The following SORCS3 variants were observed in gnomAD, a reference collection of about 807,000 sequenced individuals.
SORCS3 encodes the protein sortilin related VPS10 domain containing receptor 3, also known as VPS10 domain-containing receptor SorCS3.
A neutral mutation model predicts 146.3 loss-of-function variants in SORCS3; 57 were observed. That is an observed-to-expected ratio of 0.39 (90% CI 0.31 to 0.49). The LOEUF (loss-of-function observed/expected upper bound fraction) is 0.49. Ranked by LOEUF, SORCS3 falls within the 20% of genes least tolerant of loss-of-function variation. SORCS3 has a pLI of 0.92. For missense variants in SORCS3, 1,341 were observed against 1,575.5 expected, an observed-to-expected ratio of 0.85 and a Z score of 2.52; for synonymous variants, 653 against 618.5, an observed-to-expected ratio of 1.06 and a Z score of -0.83.
At chr10:104,738,537 C>T (rs1364547610) in intron 1 of SORCS3, among the ~76,000 whole-genome samples, 4 of 152,114 alleles carry the variant, frequency 2.6e-5, no homozygotes, top group African/African-American at 7.2e-5. Context: ...GTTGGCATAT[C>T]GTCTTTAGGG....
Position 104,832,346 on chromosome 10 carries a change from C to A in SORCS3, c.628-10446C>A, listed in dbSNP as rs541172357. ...ACAAATCATCCCAGCTGGTAAGTAA[C>A]CCCTTCATTACCTGTTTGTTCAGTG... On this transcript the variant is annotated intron_variant, in intron 1 of 26. Transcript: ENST00000369701. 5.9e-5 allele frequency among the ~76,000 whole-genome samples: 9 copies of A among 152,290 alleles called. No individual in the cohort carries two copies. The East Asian group carries it at 1.4e-3, about 23-fold the overall frequency.
rs562737319 is a variant in SORCS3 at position 104,974,256 on chromosome 10, T to C, written c.796-3079T>C. On this transcript the variant is annotated intron_variant, in intron 3 of 26. Transcript: ENST00000369701. Reference sequence around the variant, plus strand: ...TTCAATTCCTGGGTATACTTGTTAATTTTCTGTCTCATTGATCTGTCTAAT... The same window carrying C: ...TTCAATTCCTGGGTATACTTGTTAACTTTCTGTCTCATTGATCTGTCTAAT... Among the ~76,000 whole-genome samples the C allele has an allele frequency of 4.9e-3, 746 of 152,068 alleles. 5 individuals are homozygous for C. Among genetic ancestry groups the C allele is most frequent in the East Asian group, 0.024 (125 of 5,154 alleles).
intron 1 of SORCS3, among the ~76,000 whole-genome samples, chr10:104,755,076 G>A (rs1415407082): frequency 6.6e-6 from 1 of 152,152 alleles, no homozygotes; most frequent in Non-Finnish European, 1.5e-5. Flanking sequence ...CCTTCTGGTC[G>A]ACTGAAAATA....
chr10:104,943,516 T>G (rs996585452), intron 3 of SORCS3, among the ~76,000 whole-genome samples: 1 of 152,208 alleles, frequency 6.6e-6, no homozygotes, highest in African/African-American at 2.4e-5. Flanking sequence ...AAGTCATGAA[T>G]GCTGAGTGGA....
At chr10:105,253,037 A>G (rs558255408) in intron 23 of SORCS3, 131 bp downstream of exon 23, 2 of 1,033,294 alleles carry the variant, frequency 1.9e-6, no homozygotes, top group East Asian at 2.6e-5. Flanking sequence ...TTGAAGAGCA[A>G]TCACCCTTAC....
At chr10:105,106,080 C>T (rs1302571523) in intron 7 of SORCS3, among the ~76,000 whole-genome samples, 1 of 152,106 alleles carries the variant, frequency 6.6e-6, no homozygotes, top group Non-Finnish European at 1.5e-5. Context: ...GTCTTCTTAT[C>T]TCTATTGTGT....
intron 13 of SORCS3, among the ~76,000 whole-genome samples, chr10:105,169,965 T>C (rs148628819): frequency 9.8e-5 from 15 of 152,296 alleles, no homozygotes; most frequent in African/African-American, 3.6e-4. Flanking sequence ...ACCCTTAAAC[T>C]TGGCCATCAC....
chr10:105,063,928 G>A (rs921776265), intron 5 of SORCS3, among the ~76,000 whole-genome samples: 17 of 152,230 alleles, frequency 1.1e-4, no homozygotes, highest in African/African-American at 3.6e-4. Context: ...GCAGCTCTGC[G>A]GTGTTCCTGT....
At position 104,863,595 on chromosome 10, in the gene SORCS3, GT is replaced by G. The variant is rs554731534; in HGVS notation, c.695+20738del. ...TGTTGTATGTGCTCAGTAAGTGTCTGTTGGGTAGACAGAGGAGCAGGATCCG... is the reference window on the plus strand; with the variant it reads ...TGTTGTATGTGCTCAGTAAGTGTCTGTGGGTAGACAGAGGAGCAGGATCCG... On this transcript the variant is annotated intron_variant, in intron 2 of 26. Transcript: ENST00000369701. Among the ~76,000 whole-genome samples the G allele has an allele frequency of 2.6e-3, 393 of 152,298 alleles. 1 individual carries two copies. The highest frequency in any genetic ancestry group is 8.6e-3 in the African/African-American group (356 of 41,576).
intron 1 of SORCS3, among the ~76,000 whole-genome samples, chr10:104,830,207 C>T (rs1177031321): frequency 6.6e-6 from 1 of 152,142 alleles, no homozygotes; most frequent in East Asian, 1.9e-4. Flanking sequence ...CCAGCTTCAT[C>T]CATGTCCCTG....
chr10:105,045,021 GAAAAAA>G (rs35904016), intron 5 of SORCS3, among the ~76,000 whole-genome samples: 9 of 118,002 alleles, frequency 7.6e-5, no homozygotes, highest in African/African-American at 1.7e-4. Flanking sequence ...TCCAGAATTC[GAAAAAA>G]AAAAAAAAAA....
chr10:105,178,242 G>C lies in SORCS3; in HGVS notation c.2009+69G>C, dbSNP rs892343236. ...TGGTTCTACTTTCATTGAGGCCTTG[G>C]ATTTTTCCCAGGGAACCCTACACCA... On this transcript the variant is annotated intron_variant, in intron 14 of 26. Transcript: ENST00000369701. The C allele has an allele frequency of 1.0e-5, 13 of 1,299,280 alleles. No individual in the cohort carries two copies. In the African/African-American group the frequency reaches 1.8e-4, roughly 18 times the overall value. The allele number at this position is 1,299,280 out of a possible 1,614,324, so 80.5% of individuals were successfully genotyped here. A position where few individuals can be genotyped will look rare whatever the true frequency, so the allele number is the denominator to read the frequency against.
rs114760234 is a variant in SORCS3 at position 105,122,542 on chromosome 10, T to A, written c.1213-16855T>A. ...TGATTCATTCATTCATCCATTCATT[T>A]AATAATCTTGTATTGAGCACTTAAT... On this transcript the variant is annotated intron_variant, in intron 7 of 26. Transcript: ENST00000369701. Among the ~76,000 whole-genome samples, 639 of 152,326 alleles carry A rather than the reference T, an allele frequency of 4.2e-3. 6 individuals carry two copies. The highest frequency in any genetic ancestry group is 0.015 in the African/African-American group (623 of 41,578).
At chr10:104,700,535 C>A (rs575935198) in intron 1 of SORCS3, among the ~76,000 whole-genome samples, 1 of 152,274 alleles carries the variant, frequency 6.6e-6, no homozygotes, top group East Asian at 1.9e-4. Context: ...CATGTGTCTA[C>A]CCCACCTCTG....
intron 5 of SORCS3, among the ~76,000 whole-genome samples, chr10:105,056,278 A>T (rs965428446): frequency 6.6e-6 from 1 of 152,188 alleles, no homozygotes; most frequent in African/African-American, 2.4e-5. Context: ...TGTCATTTGC[A>T]TTCTAAGATG....
intron 3 of SORCS3, among the ~76,000 whole-genome samples, chr10:104,934,181 C>T (rs908104562): frequency 1.3e-5 from 2 of 152,092 alleles, no homozygotes; most frequent in African/African-American, 4.8e-5. Context: ...ATTCCCAAAG[C>T]GCTATGGCAG....
chr10:104,907,127 C>CTG (rs139418206), intron 2 of SORCS3, among the ~76,000 whole-genome samples: 17,247 of 147,796 alleles, frequency 0.12, 1,042 homozygotes, highest in South Asian at 0.25. Context: ...CTGTATAGTA[C>CTG]TGTGTGTGTG....
At chr10:105,155,624 T>G (rs771194965) in intron 9 of SORCS3, among the ~76,000 whole-genome samples, 1 of 152,204 alleles carries the variant, frequency 6.6e-6, no homozygotes, top group Non-Finnish European at 1.5e-5. Context: ...ACTGAGGTGA[T>G]CTGAGGGGCT....
At chr10:104,853,476 A>G (rs1259204589) in intron 2 of SORCS3, among the ~76,000 whole-genome samples, 1 of 152,212 alleles carries the variant, frequency 6.6e-6, no homozygotes, top group Non-Finnish European at 1.5e-5. Flanking sequence ...AGAGATGAGC[A>G]AAAAAACCCC....
Sources: allele counts gnomAD v4.1 joint callset (sites outside exome capture counted in the v4.1 genomes callset), GRCh38; gene constraint gnomAD v4.1.1; transcripts MANE v1.5; gene names NCBI Gene and HGNC (gene_info 2026-07-23, HGNC 2026-07-21).